Variants in RPS6KA5 observed in about 807,000 individuals in gnomAD.
RPS6KA5 encodes the protein ribosomal protein S6 kinase A5, also known as ribosomal protein S6 kinase alpha-5.
In RPS6KA5, 27 loss-of-function variants were observed where a neutral mutation model predicts 85.5. That is an observed-to-expected ratio of 0.32 (90% confidence interval 0.23 to 0.44). The LOEUF (loss-of-function observed/expected upper bound fraction) is 0.44. Ranked by LOEUF, RPS6KA5 falls within the 20% of genes least tolerant of loss-of-function variation. The probability of loss-of-function intolerance (pLI) is 1.00; values close to 1 mark genes in which losing one functional copy is unlikely to be tolerated. For missense variants in RPS6KA5, 811 were observed against 980.9 expected (o/e 0.83, Z 2.31); for synonymous variants, 334 against 348.2 (o/e 0.96, Z 0.46).
chr14:90,976,931 T>TA (rs1261407160), intron 3 of RPS6KA5, among the ~76,000 whole-genome samples: 29 of 152,220 alleles, frequency 1.9e-4, no homozygotes, highest in Middle Eastern at 3.4e-3. Flanking sequence ...AAATATATAT[T>TA]AAAAAACCAG....
At chr14:91,004,947 G>C (rs1884695750) in intron 1 of RPS6KA5, among the ~76,000 whole-genome samples, 1 of 151,080 alleles carries the variant, frequency 6.6e-6, no homozygotes. Context: ...TCCAGCTTGG[G>C]CGACAAAGTG....
intron 7 of RPS6KA5, among the ~76,000 whole-genome samples, chr14:90,913,702 T>A (rs80223114): frequency 0.018 from 2,713 of 152,288 alleles, 69 homozygotes; most frequent in African/African-American, 0.063. Flanking sequence ...TGTTAAACCT[T>A]TACTTCTCCA....
chr14:90,943,259 C>CTTTA (rs1421291672), intron 4 of RPS6KA5, 74 bp from the exon 5 acceptor site: 27 of 786,132 alleles, frequency 3.4e-5, no homozygotes, highest in Middle Eastern at 6.3e-4. Context: ...TCTCGTCTAC[C>CTTTA]TTTATTTATT....
chr14:91,035,224 T>C (rs565069863), intron 1 of RPS6KA5, among the ~76,000 whole-genome samples: 2 of 150,056 alleles, frequency 1.3e-5, no homozygotes, highest in African/African-American at 4.9e-5. Context: ...AAAAAGACCA[T>C]AAAACCAACA....
intron 2 of RPS6KA5, among the ~76,000 whole-genome samples, chr14:90,994,561 ATTT>A (rs935828871): frequency 5.0e-3 from 309 of 61,802 alleles, no homozygotes; most frequent in African/African-American, 0.018. Context: ...GATGTTTGTG[ATTT>A]TTTTTTTTTT....
At chr14:90,873,510 T>G in intron 16 of RPS6KA5, 122 bp downstream of exon 16, 1 of 915,956 alleles carries the variant, frequency 1.1e-6, no homozygotes, top group Non-Finnish European at 1.6e-6. Context: ...TACCTAAAAG[T>G]AAAAGGACAC....
chr14:90,898,563 C>A (rs1438886846), intron 12 of RPS6KA5, among the ~76,000 whole-genome samples: 1 of 152,182 alleles, frequency 6.6e-6, no homozygotes, highest in Admixed American at 6.5e-5. Context: ...GTTTTATGAA[C>A]ATTCAAAATC....
intron 1 of RPS6KA5, among the ~76,000 whole-genome samples, chr14:91,028,523 A>ATT (rs34122342): frequency 6.9e-6 from 1 of 144,402 alleles, no homozygotes. Context: ...GCCTTAAATG[A>ATT]TTTTTTTTTT....
At chr14:91,006,142 C>T (rs2041009786) in intron 1 of RPS6KA5, among the ~76,000 whole-genome samples, 1 of 152,158 alleles carries the variant, frequency 6.6e-6, no homozygotes, top group South Asian at 2.1e-4. Context: ...TTCATTTATT[C>T]AAGAGTCCAA....
At chr14:91,018,525 A>T (rs1408097967) in intron 1 of RPS6KA5, among the ~76,000 whole-genome samples, 1 of 152,222 alleles carries the variant, frequency 6.6e-6, no homozygotes, top group East Asian at 1.9e-4. Context: ...AGCAGGCTGA[A>T]TTAGGTGGCG....
Position 90,854,143 on chromosome 14 carries a change from C to T in RPS6KA5, c.*17931G>A, listed in dbSNP as rs2032156111. ...AAACTAAGATATCTGTTTATATAGA[C>T]TATTGATGCAAACTAATTTTAAGTA... On this transcript the variant is annotated 3_prime_UTR_variant, in exon 17 of 17. Coordinates refer to ENST00000614987, the MANE Select transcript of RPS6KA5 (RefSeq NM_004755.4). The T allele has an allele frequency of 6.7e-6, 1 of 150,120 alleles. No individual in the cohort carries two copies. The highest frequency in any genetic ancestry group is 2.1e-4 in the South Asian group (1 of 4,808). 9.3% of individuals were successfully genotyped at this position (150,120 alleles called of 1,614,324 possible).
intron 1 of RPS6KA5, among the ~76,000 whole-genome samples, chr14:91,014,865 A>G (rs2041417854): frequency 6.6e-6 from 1 of 152,184 alleles, no homozygotes; most frequent in South Asian, 2.1e-4. Context: ...TTTATAGTTT[A>G]TATTTGATGA....
intron 3 of RPS6KA5, among the ~76,000 whole-genome samples, chr14:90,960,183 C>T (rs1392984690): frequency 6.6e-6 from 1 of 152,084 alleles, no homozygotes; most frequent in African/African-American, 2.4e-5. Context: ...TCAACAAGAG[C>T]TCTGACTACC....
At chr14:91,031,659 A>T (rs909079654) in intron 1 of RPS6KA5, among the ~76,000 whole-genome samples, 1 of 152,178 alleles carries the variant, frequency 6.6e-6, no homozygotes, top group African/African-American at 2.4e-5. Context: ...AAAGAAAGCT[A>T]AGTGAATGAA....
intron 12 of RPS6KA5, among the ~76,000 whole-genome samples, chr14:90,897,335 T>C (rs2034895865): frequency 6.6e-6 from 1 of 152,214 alleles, no homozygotes; most frequent in South Asian, 2.1e-4. Context: ...TTTGGACTTC[T>C]GACCTCCAGA....
At chr14:90,942,048 C>G (rs943437137) in intron 5 of RPS6KA5, among the ~76,000 whole-genome samples, 1 of 152,150 alleles carries the variant, frequency 6.6e-6, no homozygotes, top group Non-Finnish European at 1.5e-5. Flanking sequence ...TTCATGAAGG[C>G]AGAGATCATT....
rs1555353424 is a variant in RPS6KA5 at position 90,855,604 on chromosome 14, A to ATTTTTGTATTT, written c.*16459_*16469dup. 3.8e-3 allele frequency: 498 copies of ATTTTTGTATTT among 130,200 alleles called. 3 individuals carry two copies. Among genetic ancestry groups the ATTTTTGTATTT allele is most frequent in the Non-Finnish European group, 6.4e-3 (416 of 64,544 alleles). The allele number at this position is 130,200 out of a possible 1,614,324, so 8.1% of individuals were successfully genotyped here. A position where few individuals can be genotyped will look rare whatever the true frequency, so the allele number is the denominator to read the frequency against. ...AGGCACCCACCACCACGCCCAGCTA[A>ATTTTTGTATTT]TTTTTGTATTTTTTTTTTTTTGAGA... On this transcript the variant is annotated 3_prime_UTR_variant, in exon 17 of 17. Coordinates refer to ENST00000614987, the MANE Select transcript of RPS6KA5 (RefSeq NM_004755.4).
intron 3 of RPS6KA5, among the ~76,000 whole-genome samples, chr14:90,956,970 T>A (rs866976925): frequency 6.3e-4 from 95 of 149,612 alleles, no homozygotes; most frequent in African/African-American, 2.1e-3. Flanking sequence ...TTCTGTTTTT[T>A]TTTTTTTTTT....
chr14:91,037,257 A>T (rs1049231509), intron 1 of RPS6KA5, among the ~76,000 whole-genome samples: 4 of 152,190 alleles, frequency 2.6e-5, no homozygotes, highest in Non-Finnish European at 4.4e-5. Context: ...TGAATCATAC[A>T]AGTCAACTAA....
Sources: gnomAD v4.1 joint callset for allele counts (sites outside exome capture counted in the v4.1 genomes callset) on GRCh38, gnomAD v4.1.1 for gene constraint, MANE v1.5 for transcripts, NCBI Gene and HGNC (gene_info 2026-07-23, HGNC 2026-07-21) for gene names.